Variants in AGBL4 observed in about 807,000 individuals in gnomAD.
The protein encoded by AGBL4 is AGBL carboxypeptidase 4.
In AGBL4, 58 loss-of-function variants were observed where a neutral mutation model predicts 66.4. The observed-to-expected ratio is 0.87, with a 90% CI of 0.71 to 1.09. The LOEUF is 1.09. AGBL4 is among the 50% of genes least tolerant of loss of function. The probability of loss-of-function intolerance (pLI) is 0.00; values close to 1 mark genes in which losing one functional copy is unlikely to be tolerated. For synonymous variants in AGBL4, 234 were observed against 222.9 expected, an observed-to-expected ratio of 1.05 and a Z score of -0.44; for missense variants, 579 against 631.0, an observed-to-expected ratio of 0.92 and a Z score of 0.88.
At chr1:48,956,587 A>G (rs1657465177) in intron 5 of AGBL4, among the ~76,000 whole-genome samples, 1 of 152,228 alleles carries the variant, frequency 6.6e-6, no homozygotes, top group South Asian at 2.1e-4. Context: ...GTAGAATCAG[A>G]GAAAAGGAAG....
intron 3 of AGBL4, among the ~76,000 whole-genome samples, chr1:49,547,906 T>C (rs866315951): frequency 1.3e-5 from 2 of 152,126 alleles, no homozygotes; most frequent in Non-Finnish European, 2.9e-5. Context: ...CCTGAGTAGC[T>C]GGGATTACAG....
At chr1:48,815,512 T>A (rs1048580278) in intron 6 of AGBL4, among the ~76,000 whole-genome samples, 1 of 152,140 alleles carries the variant, frequency 6.6e-6, no homozygotes, top group Admixed American at 6.6e-5. Context: ...CTCGGTAGCT[T>A]TCAACAAGTG....
chr1:49,299,302 A>G (rs1303281260), intron 3 of AGBL4, among the ~76,000 whole-genome samples: 1 of 152,218 alleles, frequency 6.6e-6, no homozygotes, highest in Non-Finnish European at 1.5e-5. Flanking sequence ...TATAGGTTTA[A>G]TAACATGCCT....
chr1:49,016,974 A>G (rs1662870189), intron 5 of AGBL4, among the ~76,000 whole-genome samples: 1 of 152,228 alleles, frequency 6.6e-6, no homozygotes, highest in Non-Finnish European at 1.5e-5. Flanking sequence ...TGGTGTCAAG[A>G]GCTCCTGCCT....
At chr1:49,675,329 A>C (rs558961519) in intron 3 of AGBL4, among the ~76,000 whole-genome samples, 95 of 152,248 alleles carry the variant, frequency 6.2e-4, no homozygotes, top group African/African-American at 2.1e-3. Flanking sequence ...GAAACAAAAA[A>C]ATACTGTATA....
chr1:49,183,969 T>C (rs1646972471), intron 4 of AGBL4, among the ~76,000 whole-genome samples: 1 of 152,156 alleles, frequency 6.6e-6, no homozygotes, highest in Non-Finnish European at 1.5e-5. Flanking sequence ...CTTCATTACA[T>C]ATGAAGTGAT....
intron 3 of AGBL4, among the ~76,000 whole-genome samples, chr1:49,593,218 A>G (rs192977575): frequency 2.6e-5 from 4 of 152,248 alleles, no homozygotes; most frequent in African/African-American, 9.6e-5. Flanking sequence ...ATCCTGGCTA[A>G]CACGGTGAAA....
intron 5 of AGBL4, among the ~76,000 whole-genome samples, chr1:48,973,662 T>C (rs1051483412): frequency 2.0e-5 from 3 of 152,262 alleles, no homozygotes; most frequent in Non-Finnish European, 4.4e-5. Flanking sequence ...TCATAAGCAT[T>C]GTTATTTAAG....
At chr1:49,220,326 G>A (rs1276380103) in intron 4 of AGBL4, among the ~76,000 whole-genome samples, 1 of 152,102 alleles carries the variant, frequency 6.6e-6, no homozygotes, top group Non-Finnish European at 1.5e-5. Flanking sequence ...GTATGTAATG[G>A]AATGAACATG....
intron 3 of AGBL4, among the ~76,000 whole-genome samples, chr1:49,470,302 C>A (rs1379176209): frequency 6.6e-6 from 1 of 151,896 alleles, no homozygotes; most frequent in Admixed American, 6.6e-5. Context: ...TCCATACATT[C>A]ATCAAAAAGA....
At chr1:49,189,909 T>G (rs1340621867) in intron 4 of AGBL4, among the ~76,000 whole-genome samples, 1 of 152,142 alleles carries the variant, frequency 6.6e-6, no homozygotes, top group Admixed American at 6.5e-5. Context: ...CTAAAACCCA[T>G]ATTCTTTTCT....
chr1:49,672,782 C>T (rs950383470), intron 3 of AGBL4, among the ~76,000 whole-genome samples: 9 of 151,494 alleles, frequency 5.9e-5, no homozygotes, highest in East Asian at 1.9e-4. Flanking sequence ...ATTATCTGGG[C>T]GTGGTGGCGG....
intron 6 of AGBL4, among the ~76,000 whole-genome samples, chr1:48,775,115 G>A (rs1427023127): frequency 6.6e-6 from 1 of 152,206 alleles, no homozygotes; most frequent in Non-Finnish European, 1.5e-5. Flanking sequence ...AATCAGCTAT[G>A]AATGGTTCCC....
chr1:48,720,291 C>A (rs1209336743), intron 6 of AGBL4, among the ~76,000 whole-genome samples: 4 of 152,152 alleles, frequency 2.6e-5, no homozygotes, highest in South Asian at 2.1e-4. Flanking sequence ...AGAAGGGTTC[C>A]AACCCAGGCT....
chr1:48,930,621 G>T (rs1305423092), intron 5 of AGBL4, among the ~76,000 whole-genome samples: 8 of 152,122 alleles, frequency 5.3e-5, no homozygotes, highest in Non-Finnish European at 1.5e-5. Flanking sequence ...CCATTTCTGA[G>T]CCTCAAATTC....
At position 48,603,044 on chromosome 1, in the gene AGBL4, C is replaced by G. The variant is rs945761998; in HGVS notation, c.952-12059G>C. Among the ~76,000 whole-genome samples, 6 of 152,160 alleles carry G rather than the reference C, an allele frequency of 3.9e-5. No individual in the cohort carries two copies. In the East Asian group the frequency reaches 9.6e-4, roughly 24 times the overall value. On this transcript the variant is annotated intron_variant, in intron 9 of 13. Coordinates refer to ENST00000371839, the MANE Select transcript of AGBL4 (RefSeq NM_032785.4). The stretch of plus-strand genomic sequence containing the variant: ...CTTTACAGAGGAGGTGACTATTAAG[C>G]AAGGTCTTGACAGATGAGAAGGTGT...
At chr1:49,846,568 T>C (rs1234688657) in intron 2 of AGBL4, among the ~76,000 whole-genome samples, 1 of 152,222 alleles carries the variant, frequency 6.6e-6, no homozygotes, top group East Asian at 1.9e-4. Context: ...AAGTATCTCA[T>C]GTACTCCATA....
chr1:49,984,220 A>T (rs1659315232), intron 1 of AGBL4, among the ~76,000 whole-genome samples: 1 of 152,188 alleles, frequency 6.6e-6, no homozygotes, highest in Admixed American at 6.5e-5. Flanking sequence ...CATCCAGCTC[A>T]CAGATTCTGA....
chr1:49,433,234 G>T (rs1645825571), intron 3 of AGBL4, among the ~76,000 whole-genome samples: 2 of 152,162 alleles, frequency 1.3e-5, no homozygotes, highest in Admixed American at 1.3e-4. Flanking sequence ...CAAAGAGAGG[G>T]TCATCATGGG....
Sources: gnomAD v4.1 joint callset for allele counts (sites outside exome capture counted in the v4.1 genomes callset) on GRCh38, gnomAD v4.1.1 for gene constraint, MANE v1.5 for transcripts, NCBI Gene and HGNC (gene_info 2026-07-23, HGNC 2026-07-21) for gene names.